KDM4C: variants seen among roughly 807,000 people sequenced by gnomAD.
KDM4C encodes lysine demethylase 4C.
In KDM4C, 81 loss-of-function variants were observed where a neutral mutation model predicts 129.3. That is an observed-to-expected ratio of 0.63 (90% CI 0.52 to 0.75). The LOEUF (loss-of-function observed/expected upper bound fraction) is 0.75. KDM4C is among the 30% of genes least tolerant of loss of function. The pLI, the probability that KDM4C is intolerant of heterozygous loss-of-function variation, is 0.00. For missense variants in KDM4C, 1,457 were observed against 1,304.0 expected, an observed-to-expected ratio of 1.12 and a Z score of -1.81; for synonymous variants, 573 against 456.1, an observed-to-expected ratio of 1.26 and a Z score of -3.26.
rs549881655 is a variant in KDM4C at position 6,806,354 on chromosome 9, C to T, written c.320+580C>T. On this transcript the variant is annotated intron_variant, in intron 3 of 21. Coordinates refer to ENST00000381309, the MANE Select transcript of KDM4C (RefSeq NM_015061.6). ...CACTAAAACTACAAAATTAACCATGCGTGGTGGCACGTGCCTGTAATCCCA... is the reference window on the plus strand; with the variant it reads ...CACTAAAACTACAAAATTAACCATGTGTGGTGGCACGTGCCTGTAATCCCA... 3.9e-5 allele frequency among the ~76,000 whole-genome samples: 6 copies of T among 152,000 alleles called. No individual in the cohort carries two copies. In the South Asian group the frequency reaches 6.2e-4, roughly 16 times the overall value.
At chr9:6,807,177 C>G (rs1830148656) in intron 3 of KDM4C, among the ~76,000 whole-genome samples, 1 of 152,156 alleles carries the variant, frequency 6.6e-6, no homozygotes. Context: ...GACGGAGTCT[C>G]GTTCACTCAG....
intron 17 of KDM4C, among the ~76,000 whole-genome samples, chr9:7,077,921 A>T (rs1456812648): frequency 6.6e-6 from 1 of 152,208 alleles, no homozygotes; most frequent in Non-Finnish European, 1.5e-5. Context: ...GCCAGCAGAT[A>T]TTTAGGCTCT....
At chr9:6,819,770 TGAATTCATTGTAA>T (rs2131200995) in intron 4 of KDM4C, among the ~76,000 whole-genome samples, 1 of 152,372 alleles carries the variant, frequency 6.6e-6, no homozygotes, top group African/African-American at 2.4e-5. Context: ...CAGGAATGTT[TGAATTCATTGTAA>T]TGAATGTGCA....
intron 8 of KDM4C, among the ~76,000 whole-genome samples, chr9:6,955,362 A>T (rs1374779327): frequency 1.3e-5 from 2 of 152,202 alleles, no homozygotes; most frequent in African/African-American, 4.8e-5. Context: ...ATAGAGACAA[A>T]GCTGTTTGCT....
chr9:7,029,635 T>TC (rs1826393182), intron 15 of KDM4C, among the ~76,000 whole-genome samples: 1 of 152,174 alleles, frequency 6.6e-6, no homozygotes, highest in African/African-American at 2.4e-5. Context: ...TGTGTAAGAT[T>TC]ATTTTTTAAT....
intron 4 of KDM4C, among the ~76,000 whole-genome samples, chr9:6,837,755 G>C (rs528990850): frequency 5.3e-5 from 8 of 152,006 alleles, no homozygotes; most frequent in African/African-American, 1.9e-4. Context: ...TGAATTATTT[G>C]CTCTAGTTGT....
At position 6,865,285 on chromosome 9, in the gene KDM4C, A is replaced by G. The variant is rs573616139; in HGVS notation, c.630-14727A>G. On this transcript the variant is annotated intron_variant, in intron 5 of 21. Coordinates refer to ENST00000381309, the MANE Select transcript of KDM4C (RefSeq NM_015061.6). Reference sequence around the variant, plus strand: ...GGCCTCCCAAAGTTTTGGGATTACAAGCGTGAGCCAAAGTGCCCCGTCTTT... The same window carrying G: ...GGCCTCCCAAAGTTTTGGGATTACAGGCGTGAGCCAAAGTGCCCCGTCTTT... Among the ~76,000 whole-genome samples, 211 of 152,170 alleles carry G rather than the reference A, an allele frequency of 1.4e-3. 1 individual carries two copies. Among genetic ancestry groups the G allele is most frequent in the Non-Finnish European group, 1.9e-3 (130 of 67,998 alleles).
At chr9:6,938,513 G>C (rs929774703) in intron 8 of KDM4C, among the ~76,000 whole-genome samples, 1 of 152,186 alleles carries the variant, frequency 6.6e-6, no homozygotes, top group Non-Finnish European at 1.5e-5. Flanking sequence ...GTTTTTGGAA[G>C]ATACTCTAAA....
chr9:6,856,187 T>C (rs537499885), intron 5 of KDM4C, among the ~76,000 whole-genome samples: 3 of 152,074 alleles, frequency 2.0e-5, no homozygotes, highest in Admixed American at 1.3e-4. Flanking sequence ...AAAAAAAATC[T>C]AAGAACATTA....
At chr9:7,122,263 A>ACTCTCTCTCTCTCTCT (rs1410461925) in intron 18 of KDM4C, among the ~76,000 whole-genome samples, 1 of 145,046 alleles carries the variant, frequency 6.9e-6, no homozygotes, top group African/African-American at 2.6e-5. Flanking sequence ...ACACACACAC[A>ACTCTCTCTCTCTCTCT]CACTCTCTCT....
chr9:6,995,205 A>T (rs1415475587), intron 12 of KDM4C, among the ~76,000 whole-genome samples: 1 of 152,102 alleles, frequency 6.6e-6, no homozygotes, highest in Admixed American at 6.6e-5. Flanking sequence ...AGAAAGATCA[A>T]GACTAAGTCA....
chr9:6,834,613 T>C (rs371367381), intron 4 of KDM4C: 2 of 755,980 alleles, frequency 2.6e-6, no homozygotes, highest in African/African-American at 3.4e-5. Flanking sequence ...AGGACTCCCA[T>C]GTGGGCGACG....
intron 2 of KDM4C, among the ~76,000 whole-genome samples, chr9:6,799,043 G>T (rs578092420): frequency 1.3e-5 from 2 of 151,490 alleles, no homozygotes; most frequent in African/African-American, 4.9e-5. Context: ...TTCCTAGGTG[G>T]GATGGCGGCC....
chr9:7,085,536 G>A (rs1225797561), intron 17 of KDM4C, among the ~76,000 whole-genome samples: 2 of 152,162 alleles, frequency 1.3e-5, no homozygotes, highest in Non-Finnish European at 2.9e-5. Flanking sequence ...CCCTGGAACA[G>A]CTCTGGTCTA....
intron 17 of KDM4C, among the ~76,000 whole-genome samples, chr9:7,089,668 A>G (rs1361538596): frequency 6.6e-6 from 1 of 152,190 alleles, no homozygotes; most frequent in East Asian, 1.9e-4. Context: ...TTTCCAGTCC[A>G]AGTTACATGT....
At chr9:6,739,419 C>T (rs1249970769) in intron 1 of KDM4C, among the ~76,000 whole-genome samples, 1 of 152,000 alleles carries the variant, frequency 6.6e-6, no homozygotes, top group Non-Finnish European at 1.5e-5. Flanking sequence ...TGTTTAAAAT[C>T]TGCCATCTAG....
intron 16 of KDM4C, 51 bp downstream of exon 16, chr9:7,046,968 C>G (rs377373779): frequency 1.5e-6 from 2 of 1,310,582 alleles, no homozygotes; most frequent in East Asian, 2.3e-5. Context: ...TTTCTCCATT[C>G]TAGAACCTTT....
chr9:6,915,506 A>G (rs1299095720), intron 8 of KDM4C, among the ~76,000 whole-genome samples: 1 of 152,218 alleles, frequency 6.6e-6, no homozygotes, highest in East Asian at 1.9e-4. Flanking sequence ...GTTACTGTCT[A>G]GTCATTAAGA....
intron 15 of KDM4C, among the ~76,000 whole-genome samples, chr9:7,022,071 T>G (rs1824966337): frequency 6.6e-6 from 1 of 152,188 alleles, no homozygotes; most frequent in Non-Finnish European, 1.5e-5. Context: ...TGTATTATAA[T>G]TTTAAGTTAG....
Sources: allele counts gnomAD v4.1 joint callset (sites outside exome capture counted in the v4.1 genomes callset), GRCh38; gene constraint gnomAD v4.1.1; transcripts MANE v1.5; gene names NCBI Gene and HGNC (gene_info 2026-07-23, HGNC 2026-07-21).